Variants in DNAJC5B observed in about 807,000 individuals in gnomAD.
DNAJC5B encodes the protein DnaJ heat shock protein family (Hsp40) member C5 beta.
DNAJC5B carries 23 observed loss-of-function variants against 24.7 expected under a neutral mutation model. That is an observed-to-expected ratio of 0.93 (90% confidence interval 0.67 to 1.32). DNAJC5B has a LOEUF of 1.32. Ranked by LOEUF, DNAJC5B falls within the 40% of genes most tolerant of loss-of-function variation. The pLI, the probability that DNAJC5B is intolerant of heterozygous loss-of-function variation, is 0.00. For missense variants in DNAJC5B, 238 were observed against 240.8 expected, an observed-to-expected ratio of 0.99 and a Z score of 0.08; for synonymous variants, 101 against 90.1, an observed-to-expected ratio of 1.12 and a Z score of -0.68.
chr8:66,036,453 T>C (rs1224544147), intron 1 of DNAJC5B, among the ~76,000 whole-genome samples: 1 of 152,184 alleles, frequency 6.6e-6, no homozygotes, highest in Admixed American at 6.5e-5. Context: ...TCTGGGATGC[T>C]ATTGCAAAAC....
At chr8:66,082,308 T>C (rs1807613777) in intron 5 of DNAJC5B, among the ~76,000 whole-genome samples, 1 of 151,974 alleles carries the variant, frequency 6.6e-6, no homozygotes, top group South Asian at 2.1e-4. Context: ...TCCCCTAGGA[T>C]ACCTAGGTTC....
chr8:66,033,943 A>T (rs1007967115), intron 1 of DNAJC5B, among the ~76,000 whole-genome samples: 2 of 152,046 alleles, frequency 1.3e-5, no homozygotes, highest in African/African-American at 4.8e-5. Flanking sequence ...CACTGGTAAA[A>T]TCACTGCAAC....
chr8:66,062,756 GT>G (rs1563599846), intron 3 of DNAJC5B, among the ~76,000 whole-genome samples: 1 of 152,230 alleles, frequency 6.6e-6, no homozygotes, highest in East Asian at 1.9e-4. Flanking sequence ...GAGCCCAGGA[GT>G]TTGAGGCTGC....
chr8:66,067,072 G>A (rs755234570), intron 3 of DNAJC5B, among the ~76,000 whole-genome samples: 25 of 152,028 alleles, frequency 1.6e-4, no homozygotes, highest in Admixed American at 1.2e-3. Flanking sequence ...AGAAGACAAC[G>A]AAGACATAAG....
At chr8:66,077,065 A>C (rs1047828379) in intron 4 of DNAJC5B, among the ~76,000 whole-genome samples, 192 bp downstream of exon 4, 1 of 152,248 alleles carries the variant, frequency 6.6e-6, no homozygotes, top group African/African-American at 2.4e-5. Context: ...TGTAAGATAC[A>C]ACATGATTTA....
At chr8:66,070,656 C>G (rs1807325810) in intron 3 of DNAJC5B, among the ~76,000 whole-genome samples, 1 of 152,134 alleles carries the variant, frequency 6.6e-6, no homozygotes, top group Non-Finnish European at 1.5e-5. Flanking sequence ...ATGCTATTCC[C>G]ATCAAGCTAC....
intron 3 of DNAJC5B, among the ~76,000 whole-genome samples, chr8:66,063,298 C>A (rs1051720190): frequency 6.6e-6 from 1 of 152,156 alleles, no homozygotes; most frequent in Non-Finnish European, 1.5e-5. Context: ...CCATAATAAT[C>A]TGTGGCAACC....
intron 1 of DNAJC5B, among the ~76,000 whole-genome samples, chr8:66,032,213 T>A (rs958165259): frequency 6.6e-6 from 1 of 152,226 alleles, no homozygotes; most frequent in African/African-American, 2.4e-5. Context: ...CCAGCACTGG[T>A]GCTGTGCTCC....
intron 5 of DNAJC5B, among the ~76,000 whole-genome samples, chr8:66,081,736 C>T (rs919574069): frequency 6.6e-6 from 1 of 152,088 alleles, no homozygotes. Context: ...TTAGAGAGGA[C>T]AGAAGGAGTT....
chr8:66,060,452 T>C (rs902978088), intron 3 of DNAJC5B, among the ~76,000 whole-genome samples: 2 of 152,204 alleles, frequency 1.3e-5, no homozygotes, highest in Non-Finnish European at 2.9e-5. Flanking sequence ...GCTACCAGCT[T>C]TCCAAACACA....
At position 66,080,595 on chromosome 8, in the gene DNAJC5B, T is replaced by C. The variant is rs999931350; in HGVS notation, c.505+47T>C. On this transcript the variant is annotated intron_variant, in intron 5 of 5. Coordinates refer to ENST00000276570, the MANE Select transcript of DNAJC5B (RefSeq NM_033105.6). ...GGTAGTGAGTGTCCATTCATAGGCC[T>C]GAGCAAGCACCAGGTCCCACGGGGA... 3 of 1,498,066 alleles carry C rather than the reference T, an allele frequency of 2.0e-6. No individual in the cohort carries two copies. In the Admixed American group the frequency reaches 6.4e-5, roughly 32 times the overall value. The allele number at this position is 1,498,066 out of a possible 1,614,324, so 92.8% of individuals were successfully genotyped here.
chr8:66,031,233 A>G (rs17398569), intron 1 of DNAJC5B, among the ~76,000 whole-genome samples: 8,781 of 152,274 alleles, frequency 0.058, 276 homozygotes, highest in South Asian at 0.12. Flanking sequence ...GTTTAAGGTA[A>G]TGATATTGCC....
Position 66,076,874 on chromosome 8 carries a change from G to C in DNAJC5B, c.333+1G>C. 6.2e-7 allele frequency: 1 copy of C among 1,614,022 alleles called. No homozygotes were observed. The highest frequency in any genetic ancestry group is 8.5e-7 in the Non-Finnish European group (1 of 1,179,970). On this transcript the variant is annotated splice_donor_variant, in intron 4 of 5. Transcript: ENST00000276570. LOFTEE classifies it high-confidence loss of function. ...CATGCTGTCGAGCTGGTGGGCAAAGGTGAAACTGAATTTCCTTTCTTCACA... is the reference window on the plus strand; with the variant it reads ...CATGCTGTCGAGCTGGTGGGCAAAGCTGAAACTGAATTTCCTTTCTTCACA...
At chr8:66,047,081 T>C (rs1806737127) in intron 2 of DNAJC5B, among the ~76,000 whole-genome samples, 1 of 152,248 alleles carries the variant, frequency 6.6e-6, no homozygotes, top group South Asian at 2.1e-4. Flanking sequence ...TGAATCCATG[T>C]GACCAGTGCA....
At chr8:66,071,987 G>C (rs1807360092) in intron 3 of DNAJC5B, among the ~76,000 whole-genome samples, 1 of 146,888 alleles carries the variant, frequency 6.8e-6, no homozygotes, top group Admixed American at 6.8e-5. Context: ...CTCATAAGTG[G>C]GAGTTGAACA....
intron 1 of DNAJC5B, among the ~76,000 whole-genome samples, chr8:66,034,176 T>TTGTGCGTG (rs1554585815): frequency 6.9e-6 from 1 of 144,190 alleles, no homozygotes; most frequent in Non-Finnish European, 1.5e-5. Flanking sequence ...TGTTGTTGTT[T>TTGTGCGTG]TGTGTGTGTG....
chr8:66,048,352 T>C (rs978085947), intron 2 of DNAJC5B, among the ~76,000 whole-genome samples: 2 of 152,216 alleles, frequency 1.3e-5, no homozygotes, highest in African/African-American at 4.8e-5. Flanking sequence ...CTTTCTGCCA[T>C]GTTCTCTGTC....
rs1203484938 is a variant in DNAJC5B, at chr8:66,028,650, C to T, written c.-142+6945C>T. On this transcript the variant is annotated intron_variant, in intron 1 of 5. Transcript: ENST00000276570. ...CCGAGTCACTCTCTACTGCTGCATTCGGTCATTGAACATTGAGCCTAGGGG... is the reference window on the plus strand; with the variant it reads ...CCGAGTCACTCTCTACTGCTGCATTTGGTCATTGAACATTGAGCCTAGGGG... 5.3e-5 allele frequency among the ~76,000 whole-genome samples: 8 copies of T among 152,272 alleles called. No homozygotes were observed. The East Asian group carries it at 7.7e-4, about 15-fold the overall frequency.
At chr8:66,047,122 C>T (rs955375370) in intron 2 of DNAJC5B, among the ~76,000 whole-genome samples, 17 of 152,330 alleles carry the variant, frequency 1.1e-4, no homozygotes, top group East Asian at 3.9e-4. Context: ...TTATGTAGGA[C>T]GCCAGATAAT....
Sources: allele counts gnomAD v4.1 joint callset (sites outside exome capture counted in the v4.1 genomes callset), GRCh38; gene constraint gnomAD v4.1.1; transcripts MANE v1.5; gene names NCBI Gene and HGNC (gene_info 2026-07-23, HGNC 2026-07-21).